Variants in CCDC163 observed in about 807,000 individuals in gnomAD.
CCDC163 encodes the protein CCDC163 homolog.
Under a neutral mutation model 8.2 loss-of-function variants are expected in CCDC163, and 13 were observed. That is an observed-to-expected ratio of 1.59 (90% confidence interval 1.04 to 2.54). The LOEUF (loss-of-function observed/expected upper bound fraction) is 2.54, where lower values mean the gene tolerates loss of function less well. Among genes scored for constraint, CCDC163 ranks in the 30% most tolerant of loss-of-function variants. CCDC163 has a pLI of 0.00. For synonymous variants in CCDC163, 41 were observed against 30.9 expected, an observed-to-expected ratio of 1.33 and a Z score of -1.08; for missense variants, 117 against 78.6, an observed-to-expected ratio of 1.49 and a Z score of -1.85.
chr1:45,499,125 T>C (rs977190955), intron 2 of CCDC163, among the ~76,000 whole-genome samples: 5 of 152,182 alleles, frequency 3.3e-5, no homozygotes, highest in African/African-American at 9.7e-5. Flanking sequence ...GCTGTTGAGC[T>C]TGGACTCCTG....
rs772893363 is a variant in CCDC163, at chr1:45,495,042, G to A, written c.*17C>T. The A allele has an allele frequency of 1.0e-5, 8 of 780,648 alleles. No homozygotes were observed. Among genetic ancestry groups the A allele is most frequent in the Admixed American group, 6.8e-5 (4 of 58,992 alleles). 48.4% of individuals were successfully genotyped at this position (780,648 alleles called of 1,614,324 possible). On this transcript the variant is annotated 3_prime_UTR_variant, in exon 5 of 5. Transcript: ENST00000629482. ...AAGCCTTCATCCTACTATTCTTAAC[G>A]AGTCCTTACAGGTCATTCAGGAGCA...
At chr1:45,497,231 G>C in intron 3 of CCDC163, 68 bp downstream of exon 3, 1 of 703,166 alleles carries the variant, frequency 1.4e-6, no homozygotes, top group East Asian at 2.5e-5. Flanking sequence ...ATAAATAAAA[G>C]AAGAAGATGA....
intron 2 of CCDC163, among the ~76,000 whole-genome samples, chr1:45,499,060 T>TA (rs1643455926): frequency 1.3e-5 from 2 of 152,194 alleles, no homozygotes; most frequent in South Asian, 2.1e-4. Context: ...GGATGGGCTC[T>TA]AGGACTCAGG....
rs1264229469 is a variant in CCDC163, at chr1:45,497,999, A to G, written c.178-616T>C. On this transcript the variant is annotated intron_variant, in intron 2 of 4. Coordinates refer to ENST00000629482, the MANE Select transcript of CCDC163 (RefSeq NM_001102601.3). ...TGGTTGCCGTGTCTGTGTAGAAAGAAGTAGACATGGGAGACTTTTCATTTT... is the reference window on the plus strand; with the variant it reads ...TGGTTGCCGTGTCTGTGTAGAAAGAGGTAGACATGGGAGACTTTTCATTTT... 1.8e-3 allele frequency among the ~76,000 whole-genome samples: 272 copies of G among 149,558 alleles called. 1 individual carries two copies. The highest frequency in any genetic ancestry group is 6.2e-3 in the African/African-American group (252 of 40,690).
intron 4 of CCDC163, chr1:45,495,374 G>C (rs545733399): frequency 2.8e-6 from 2 of 702,856 alleles, no homozygotes; most frequent in African/African-American, 3.5e-5. Flanking sequence ...GCACCATTCA[G>C]ATTTAGCCTC....
rs71052890 is a variant in CCDC163 at position 45,495,655 on chromosome 1, C to CTT, written c.331-491_331-490dup. The stretch of plus-strand genomic sequence containing the variant: ...AGGCTAGGACTCTGGTCTCCTCCCT[C>CTT]TTTTTTTTTTTTTTTTTTTTTTTTT... On this transcript the variant is annotated intron_variant, in intron 4 of 4. Coordinates refer to ENST00000629482, the MANE Select transcript of CCDC163 (RefSeq NM_001102601.3). 1.7e-3 allele frequency: 790 copies of CTT among 469,582 alleles called. 2 individuals carry two copies. Among genetic ancestry groups the CTT allele is most frequent in the South Asian group, 3.6e-3 (172 of 47,700 alleles). 29.1% of individuals were successfully genotyped at this position (469,582 alleles called of 1,614,324 possible).
rs559952123 is a variant in CCDC163 at position 45,494,773 on chromosome 1, A to G, written c.*286T>C. The G allele has an allele frequency of 2.8e-5, 10 of 360,840 alleles. No homozygotes were observed. The East Asian group carries it at 3.5e-4, about 13-fold the overall frequency. 22.4% of individuals were successfully genotyped at this position (360,840 alleles called of 1,614,324 possible). On this transcript the variant is annotated 3_prime_UTR_variant, in exon 5 of 5. Transcript: ENST00000629482. ...GAAGTTCAAGACCAGACTGGCCAAC[A>G]TGGTGAAACCCCATCTCTACTAAAA...
Position 45,500,025 on chromosome 1 carries a change from AC to A in CCDC163, c.-417del, listed in dbSNP as rs1643500933. The A allele has an allele frequency of 7.7e-6, 4 of 520,296 alleles. No individual in the cohort carries two copies. Among genetic ancestry groups the A allele is most frequent in the Non-Finnish European group, 1.4e-5 (4 of 286,700 alleles). 32.2% of individuals were successfully genotyped at this position (520,296 alleles called of 1,614,324 possible). On this transcript the variant is annotated 5_prime_UTR_variant, in exon 1 of 5. Coordinates refer to ENST00000629482, the MANE Select transcript of CCDC163 (RefSeq NM_001102601.3). ...TGGCTGCCGCAGCGCCACCTGGGAA[AC>A]TGAGGTCGCCTCTTGCGAACACAAC...
rs756488005 is a variant in CCDC163, at chr1:45,499,580, C to A, written c.30G>T (p.Gln10His). MNTSLSWFE[Q>H]LDVLLNATDG... ...CAGTAGCGTTGAGAAGCACATCCAG[C>A]TGCTCAAACCAGCTGAGGCTCGTAT... The change falls in exon 1 of 5, where the codon CAG (glutamine) becomes CAT (histidine). Residue 10 changes from glutamine to histidine, a missense_variant. Transcript: ENST00000629482. 5.1e-6 allele frequency: 4 copies of A among 776,934 alleles called. No homozygotes were observed. The highest frequency in any genetic ancestry group is 2.3e-4 in the Middle Eastern group (1 of 4,440). The allele number at this position is 776,934 out of a possible 1,614,324, so 48.1% of individuals were successfully genotyped here.
At chr1:45,495,587 G>C in intron 4 of CCDC163, 3 of 666,008 alleles carry the variant, frequency 4.5e-6, no homozygotes, top group South Asian at 3.0e-5. Flanking sequence ...AGATAATGAT[G>C]TATCAAGGGG....
intron 4 of CCDC163, chr1:45,495,651 C>T: frequency 3.2e-6 from 2 of 616,930 alleles, no homozygotes; most frequent in Non-Finnish European, 5.8e-6. Context: ...CTGGTCTCCT[C>T]CCTCTTTTTT....
At chr1:45,496,669 C>A in intron 3 of CCDC163, 46 bp from the exon 4 acceptor site, 2 of 745,688 alleles carry the variant, frequency 2.7e-6, no homozygotes, top group East Asian at 2.5e-5. Context: ...CAACTTCTTT[C>A]CTTCTCCCTC....
intron 4 of CCDC163, chr1:45,496,279 G>A: frequency 2.0e-6 from 1 of 511,482 alleles, no homozygotes; most frequent in East Asian, 3.8e-5. Context: ...CAGATCATGG[G>A]CTCAGGTGGA....
intron 4 of CCDC163, 145 bp downstream of exon 4, chr1:45,496,411 G>C: frequency 1.4e-6 from 1 of 700,876 alleles, no homozygotes; most frequent in Non-Finnish European, 2.6e-6. Context: ...GAGCTCTGGA[G>C]AGAGAGAGAG....
At chr1:45,496,905 A>G (rs977422346) in intron 3 of CCDC163, among the ~76,000 whole-genome samples, 17 of 152,264 alleles carry the variant, frequency 1.1e-4, no homozygotes, top group African/African-American at 4.1e-4. Flanking sequence ...TCACACCTGT[A>G]ATCCCAGCAC....
intron 3 of CCDC163, among the ~76,000 whole-genome samples, 189 bp downstream of exon 3, chr1:45,497,110 T>A (rs556324851): frequency 6.6e-6 from 1 of 150,654 alleles, no homozygotes; most frequent in Non-Finnish European, 1.5e-5. Context: ...GAGGCAGAGG[T>A]TGCAGTGAGC....
intron 4 of CCDC163, among the ~76,000 whole-genome samples, chr1:45,495,795 T>C (rs1654071175): frequency 6.6e-6 from 1 of 151,074 alleles, no homozygotes; most frequent in South Asian, 2.1e-4. Context: ...GCCTCTCGAG[T>C]AGCTGGGATT....
chr1:45,497,259 C>G, intron 3 of CCDC163, 40 bp downstream of exon 3: 1 of 758,642 alleles, frequency 1.3e-6, no homozygotes, highest in Non-Finnish European at 2.5e-6. Flanking sequence ...GAAAAGGGGA[C>G]AAGGAAACGC....
rs561334431 is a variant in CCDC163, at chr1:45,499,676, G to C, written c.-67C>G. The C allele has an allele frequency of 6.7e-5, 48 of 713,108 alleles. No homozygotes were observed. In the East Asian group the frequency reaches 1.1e-3, roughly 16 times the overall value. 44.2% of individuals were successfully genotyped at this position (713,108 alleles called of 1,614,324 possible). On this transcript the variant is annotated 5_prime_UTR_variant, in exon 1 of 5. It adds an upstream start codon to the 5' untranslated region. Coordinates refer to ENST00000629482, the MANE Select transcript of CCDC163 (RefSeq NM_001102601.3). ...TCTTGTGCTTGCTCTCCTAGCGGGG[G>C]ATACCCAAGGTATCCCCAGGAAAGG...
Sources: allele counts gnomAD v4.1 joint callset (sites outside exome capture counted in the v4.1 genomes callset), GRCh38; gene constraint gnomAD v4.1.1; transcripts MANE v1.5; gene names NCBI Gene and HGNC (gene_info 2026-07-23, HGNC 2026-07-21).